The following RETNLB variants were observed in gnomAD, a reference collection of about 807,000 sequenced individuals.
RETNLB encodes the protein resistin like beta, also known as resistin-like beta.
In RETNLB, 11 loss-of-function variants were observed where a neutral mutation model predicts 6.8. That is an observed-to-expected ratio of 1.62 (90% confidence interval 1.02 to 2.68). RETNLB has a LOEUF of 2.68. RETNLB is among the 30% of genes most tolerant of loss of function. The pLI, the probability that RETNLB is intolerant of heterozygous loss-of-function variation, is 0.00. For synonymous variants in RETNLB, 57 were observed against 54.2 expected (o/e 1.05, Z -0.23); for missense variants, 146 against 135.7 (o/e 1.08, Z -0.38).
chr3:108,757,407 C>CTTTTTTTAATGA lies in RETNLB; in HGVS notation c.-223_-222insTCATTAAAAAAA. 2.5e-6 allele frequency: 1 copy of CTTTTTTTAATGA among 404,418 alleles called. No individual in the cohort carries two copies. The highest frequency in any genetic ancestry group is 4.4e-6 in the Non-Finnish European group (1 of 226,670). The allele number at this position is 404,418 out of a possible 1,614,324, so 25.1% of individuals were successfully genotyped here. A position where few individuals can be genotyped will look rare whatever the true frequency, so the allele number is the denominator to read the frequency against. On this transcript the variant is annotated 5_prime_UTR_variant, in exon 1 of 3. Transcript: ENST00000295755. ...ATTCACCAAAACATTCAGAGAAGGTCTACAAGGACTAGCCAGGCAAGGGCG... is the reference window on the plus strand; with the variant it reads ...ATTCACCAAAACATTCAGAGAAGGTCTTTTTTTAATGATACAAGGACTAGCCAGGCAAGGGCG...
chr3:108,756,153 C>T (rs937765387), intron 2 of RETNLB, among the ~76,000 whole-genome samples: 18 of 152,110 alleles, frequency 1.2e-4, no homozygotes, highest in Non-Finnish European at 1.8e-4. Context: ...CAGTTTTCTT[C>T]GATTTGTGAT....
At position 108,757,236 on chromosome 3, in the gene RETNLB, T is replaced by C. The variant is rs769065563; in HGVS notation, c.-51A>G. 1 of 1,578,524 alleles carries C rather than the reference T, an allele frequency of 6.3e-7. No homozygotes were observed. Among genetic ancestry groups the C allele is most frequent in the African/African-American group, 1.3e-5 (1 of 74,348 alleles). The stretch of plus-strand genomic sequence containing the variant: ...CTGGGAGAAAAGATGGAAAGCAGCT[T>C]AGATCTCTGAGCTCCTGGGTGGTGG... On this transcript the variant is annotated 5_prime_UTR_variant, in exon 1 of 3. An upstream open reading frame in the 5' UTR loses its in-frame stop. Coordinates refer to ENST00000295755, the MANE Select transcript of RETNLB (RefSeq NM_032579.3).
At position 108,755,768 on chromosome 3, in the gene RETNLB, C is replaced by A; in HGVS notation, c.*10G>T. On this transcript the variant is annotated 3_prime_UTR_variant, in exon 3 of 3. Transcript: ENST00000295755. ...ATGGTCACAAAACTGAGTTCTCAGCCTCCTCCCTGTCAGGTCAGGTGGCAG... is the reference window on the plus strand; with the variant it reads ...ATGGTCACAAAACTGAGTTCTCAGCATCCTCCCTGTCAGGTCAGGTGGCAG... 6.2e-7 allele frequency: 1 copy of A among 1,613,038 alleles called. No individual in the cohort carries two copies. The highest frequency in any genetic ancestry group is 8.5e-7 in the Non-Finnish European group (1 of 1,179,126).
At position 108,757,171 on chromosome 3, in the gene RETNLB, AG is replaced by A. The variant is rs759895862; in HGVS notation, c.14del (p.Ser5PhefsTer7). MGPS[S>X]CLLLILIPLL... Reference sequence around the variant, plus strand: ...GGGGGATTAGGATGAGAAGGAGGCAAGAGGACGGCCCCATCCTGTACAGAGT... The same window carrying A: ...GGGGGATTAGGATGAGAAGGAGGCAAAGGACGGCCCCATCCTGTACAGAGT... On this transcript the variant is annotated frameshift_variant, in exon 1 of 3. Coordinates refer to ENST00000295755, the MANE Select transcript of RETNLB (RefSeq NM_032579.3). LOFTEE classifies it high-confidence loss of function. 1.9e-6 allele frequency: 3 copies of A among 1,613,742 alleles called. No homozygotes were observed. In the African/African-American group the frequency reaches 4.0e-5, roughly 22 times the overall value.
chr3:108,756,464 T>A, intron 2 of RETNLB, 44 bp downstream of exon 2: 1 of 1,276,114 alleles, frequency 7.8e-7, no homozygotes, highest in East Asian at 2.3e-5. Flanking sequence ...CAGGGGAGGA[T>A]ACAGGGCATC....
At position 108,755,728 on chromosome 3, in the gene RETNLB, G is replaced by C. The variant is rs1945244182; in HGVS notation, c.*50C>G. ...AGTTAGATTTCTTGGTTGGGACCCT[G>C]GTTTCATTACTGTCATGGTCACAAA... On this transcript the variant is annotated 3_prime_UTR_variant, in exon 3 of 3. Transcript: ENST00000295755. 1.3e-6 allele frequency: 2 copies of C among 1,594,962 alleles called. No homozygotes were observed. The highest frequency in any genetic ancestry group is 1.3e-5 in the African/African-American group (1 of 74,576).
chr3:108,756,407 G>A (rs1057489568), intron 2 of RETNLB, 101 bp downstream of exon 2: 1 of 823,164 alleles, frequency 1.2e-6, no homozygotes. Flanking sequence ...GGGTGCCAGG[G>A]TGATACAGAC....
intron 1 of RETNLB, 184 bp from the exon 2 acceptor site, chr3:108,756,772 T>G: frequency 1.7e-6 from 1 of 599,830 alleles, no homozygotes; most frequent in Non-Finnish European, 3.0e-6. Flanking sequence ...CCTCATAAAA[T>G]GGTTGTGGGA....
intron 1 of RETNLB, 43 bp downstream of exon 1, chr3:108,757,016 G>T: frequency 1.3e-6 from 2 of 1,594,556 alleles, no homozygotes; most frequent in Non-Finnish European, 8.5e-7. Context: ...CAGGAGAAAT[G>T]AGCAAGGGTC....
chr3:108,756,971 TG>T, intron 1 of RETNLB, 87 bp downstream of exon 1: 1 of 1,476,718 alleles, frequency 6.8e-7, no homozygotes, highest in Non-Finnish European at 9.1e-7. Context: ...GTTGGGATCT[TG>T]GGATGGGATA....
At chr3:108,757,007 A>G (rs1168389642) in intron 1 of RETNLB, 52 bp downstream of exon 1, 4 of 1,582,878 alleles carry the variant, frequency 2.5e-6, no homozygotes, top group African/African-American at 2.7e-5. Flanking sequence ...GTTTAAGAAC[A>G]GGAGAAATGA....
At position 108,755,711 on chromosome 3, in the gene RETNLB, T is replaced by A. The variant is rs546408533; in HGVS notation, c.*67A>T. 6.7e-5 allele frequency: 105 copies of A among 1,565,670 alleles called. 2 individuals are homozygous for A. In the East Asian group the frequency reaches 1.8e-3, roughly 27 times the overall value. On this transcript the variant is annotated 3_prime_UTR_variant, in exon 3 of 3. Transcript: ENST00000295755. Reference sequence around the variant, plus strand: ...ATGAAGTGGGACGTTTGAGTTAGATTTCTTGGTTGGGACCCTGGTTTCATT... The same window carrying A: ...ATGAAGTGGGACGTTTGAGTTAGATATCTTGGTTGGGACCCTGGTTTCATT...
chr3:108,756,982 A>C, intron 1 of RETNLB, 77 bp downstream of exon 1: 1 of 1,523,186 alleles, frequency 6.6e-7, no homozygotes, highest in Non-Finnish European at 8.9e-7. Flanking sequence ...GGGATGGGAT[A>C]GAGACAAAGC....
intron 2 of RETNLB, 96 bp from the exon 3 acceptor site, chr3:108,756,001 G>T (rs2107482312): frequency 1.4e-6 from 2 of 1,447,174 alleles, no homozygotes; most frequent in Non-Finnish European, 1.9e-6. Flanking sequence ...GCAGTCAGGG[G>T]TAGAGCTAGG....
intron 1 of RETNLB, 41 bp downstream of exon 1, chr3:108,757,018 G>A: frequency 6.3e-7 from 1 of 1,595,604 alleles, no homozygotes; most frequent in Non-Finnish European, 8.5e-7. Context: ...GGAGAAATGA[G>A]CAAGGGTCAA....
Position 108,757,125 on chromosome 3 carries a change from C to A in RETNLB, c.61G>T (p.Gly21Trp). Residue 21 changes from glycine to tryptophan, a missense_variant, in exon 1 of 3, where the codon GGG (glycine) becomes TGG (tryptophan). Physicochemically the swap from Gly to Trp is radical, Grantham distance 184. Coordinates refer to ENST00000295755, the MANE Select transcript of RETNLB (RefSeq NM_032579.3). ...LIPLLQLINP[G>W]STQCSLDSVM... Reference sequence around the variant, plus strand: ...GAGTCTAAGGAACACTGAGTACTCCCCGGGTTGATCAGCTGGAGAAGGGGG... The same window carrying A: ...GAGTCTAAGGAACACTGAGTACTCCACGGGTTGATCAGCTGGAGAAGGGGG... 6.2e-7 allele frequency: 1 copy of A among 1,613,284 alleles called. No individual in the cohort carries two copies. The highest frequency in any genetic ancestry group is 1.1e-5 in the South Asian group (1 of 91,000).
At chr3:108,756,732 T>A in intron 1 of RETNLB, 144 bp from the exon 2 acceptor site, 1 of 643,446 alleles carries the variant, frequency 1.6e-6, no homozygotes. Context: ...AGTTTCCTCA[T>A]TTTTAAAGCA....
chr3:108,755,906 C>T lies in RETNLB; in HGVS notation c.209-1G>A. ...CAAGCACAGCCAGTGACAGCCATCC[C>T]TGCATGAGCACATGAAGCACAGACA... On this transcript the variant is annotated splice_acceptor_variant, in intron 2 of 2. Coordinates refer to ENST00000295755, the MANE Select transcript of RETNLB (RefSeq NM_032579.3). LOFTEE classifies it high-confidence loss of function. The T allele has an allele frequency of 1.2e-6, 2 of 1,614,172 alleles. No homozygotes were observed. The highest frequency in any genetic ancestry group is 1.7e-6 in the Non-Finnish European group (2 of 1,180,040).
rs1435790537 is a variant in RETNLB, at chr3:108,756,560, C to A, written c.156G>T (p.Lys52Asn). Reference sequence around the variant, plus strand: ...GGCTTTTGACACTAGCACACGAGAGCTTCTTGCTTATAGGAGAGGGACTGT... The same window carrying A: ...GGCTTTTGACACTAGCACACGAGAGATTCTTGCTTATAGGAGAGGGACTGT... ...LEYSPSPISK[K>N]LSCASVKSQG... is the part of the protein sequence containing the mutation. The change falls in exon 2 of 3, where the codon AAG becomes AAT. Residue 52 changes from lysine (K) to asparagine (N), a missense_variant. Coordinates refer to ENST00000295755, the MANE Select transcript of RETNLB (RefSeq NM_032579.3). The A allele has an allele frequency of 3.1e-6, 5 of 1,613,244 alleles. No individual in the cohort carries two copies. Among genetic ancestry groups the A allele is most frequent in the Admixed American group, 3.3e-5 (2 of 59,984 alleles).
Sources: allele counts gnomAD v4.1 joint callset (sites outside exome capture counted in the v4.1 genomes callset), GRCh38; gene constraint gnomAD v4.1.1; transcripts MANE v1.5; gene names NCBI Gene and HGNC (gene_info 2026-07-23, HGNC 2026-07-21).